The following DLX4 variants were observed in gnomAD, a reference collection of about 807,000 sequenced individuals.
The protein encoded by DLX4 is homeobox protein DLX-4.
In DLX4, 13 loss-of-function variants were observed where a neutral mutation model predicts 17.1. The ratio of observed to expected loss-of-function variants is 0.76; its 90% CI spans 0.49 to 1.21. The LOEUF is 1.21. DLX4 is among the 50% of genes most tolerant of loss of function. The pLI is 0.00. For missense variants in DLX4, 297 were observed against 301.4 expected, an observed-to-expected ratio of 0.99 and a Z score of 0.11; for synonymous variants, 129 against 140.3, an observed-to-expected ratio of 0.92 and a Z score of 0.57.
Position 49,973,128 on chromosome 17 carries a change from C to A in DLX4, c.339C>A (p.Pro113=). The A allele has an allele frequency of 6.2e-7, 1 of 1,614,062 alleles. No individual in the cohort carries two copies. Among genetic ancestry groups the A allele is most frequent in the South Asian group, 1.1e-5 (1 of 91,086 alleles). The change falls in exon 2 of 3, where the codon CCC becomes CCA. Residue 113 remains proline, a synonymous_variant. Coordinates refer to ENST00000240306, the MANE Select transcript of DLX4 (RefSeq NM_138281.3). ...PEPSERRPQA[P]AKKLRKPRTI... Reference sequence around the variant, plus strand: ...CCTCCGAGCGGCGCCCTCAGGCCCCCGCCAAAAAGCTCCGCAAGCCGAGGA... The same window carrying A: ...CCTCCGAGCGGCGCCCTCAGGCCCCAGCCAAAAAGCTCCGCAAGCCGAGGA...
intron 2 of DLX4, 108 bp downstream of exon 2, chr17:49,973,377 T>C (rs540857506): frequency 5.8e-5 from 84 of 1,445,624 alleles, no homozygotes; most frequent in Admixed American, 4.9e-4. Context: ...GTGGCCCTGT[T>C]GTCACAGTTC....
Position 49,969,484 on chromosome 17 carries a change from T to A in DLX4, c.16T>A (p.Cys6Ser), listed in dbSNP as rs1200792409. MTSLP[C>S]PLPGRDASKA... Reference sequence around the variant, plus strand: ...CCTGGCCACAATGACCTCTTTGCCCTGCCCCCTCCCCGGCCGGGACGCCTC... The same window carrying A: ...CCTGGCCACAATGACCTCTTTGCCCAGCCCCCTCCCCGGCCGGGACGCCTC... The change falls in exon 1 of 3, where the codon TGC becomes AGC. Residue 6 changes from cysteine to serine, a missense_variant. Transcript: ENST00000240306. The A allele has an allele frequency of 6.3e-7, 1 of 1,592,990 alleles. No individual in the cohort carries two copies. Among genetic ancestry groups the A allele is most frequent in the Non-Finnish European group, 8.5e-7 (1 of 1,172,412 alleles).
At position 49,969,489 on chromosome 17, in the gene DLX4, C is replaced by T. The variant is rs1211241306; in HGVS notation, c.21C>T (p.Pro7=). 4 of 1,598,310 alleles carry T rather than the reference C, an allele frequency of 2.5e-6. No homozygotes were observed. Among genetic ancestry groups the T allele is most frequent in the Non-Finnish European group, 1.7e-6 (2 of 1,174,620 alleles). ...CCACAATGACCTCTTTGCCCTGCCC[C>T]CTCCCCGGCCGGGACGCCTCCAAAG... MTSLPC[P]LPGRDASKAV... Residue 7 remains proline (P), a synonymous_variant, in exon 1 of 3, where the codon CCC becomes CCT. Transcript: ENST00000240306.
rs902773730 is a variant in DLX4, at chr17:49,973,132, A to C, written c.343A>C (p.Lys115Gln). 1.2e-6 allele frequency: 2 copies of C among 1,613,822 alleles called. No homozygotes were observed. The highest frequency in any genetic ancestry group is 2.7e-5 in the African/African-American group (2 of 74,884). Residue 115 changes from lysine (K) to glutamine (Q), a missense_variant, in exon 2 of 3, where the codon AAA becomes CAA. Transcript: ENST00000240306. ...PSERRPQAPA[K>Q]KLRKPRTIYS... ...CGAGCGGCGCCCTCAGGCCCCCGCC[A>C]AAAAGCTCCGCAAGCCGAGGACCAT...
rs1905413893 is a variant in DLX4, at chr17:49,969,317, G to A, written c.-152G>A. On this transcript the variant is annotated 5_prime_UTR_variant, in exon 1 of 3. Coordinates refer to ENST00000240306, the MANE Select transcript of DLX4 (RefSeq NM_138281.3). ...AGGCGCGCGTTCTCCGCTGAAAGAG[G>A]CTCAGAGAGACACTTTCTCCGGGAT... The A allele has an allele frequency of 3.3e-6, 3 of 919,412 alleles. No individual in the cohort carries two copies. Among genetic ancestry groups the A allele is most frequent in the African/African-American group, 1.7e-5 (1 of 58,170 alleles). 57.0% of individuals were successfully genotyped at this position (919,412 alleles called of 1,614,324 possible). A position where few individuals can be genotyped will look rare whatever the true frequency, so the allele number is the denominator to read the frequency against.
chr17:49,970,325 C>T (rs1176203992), intron 1 of DLX4, among the ~76,000 whole-genome samples: 3 of 152,338 alleles, frequency 2.0e-5, no homozygotes, highest in Non-Finnish European at 2.9e-5. Flanking sequence ...TGACTGGAAG[C>T]TGGCCTGGCA....
intron 1 of DLX4, chr17:49,971,947 G>T (rs1394150754): frequency 1.3e-5 from 2 of 152,270 alleles, no homozygotes; most frequent in African/African-American, 4.8e-5. Flanking sequence ...GAAGAAGGTG[G>T]GGGGACGCGG....
chr17:49,969,134 C>T (rs1299130475), upstream of DLX4: 2 of 257,078 alleles, frequency 7.8e-6, no homozygotes, highest in African/African-American at 4.5e-5. Flanking sequence ...TGCAAGTCTC[C>T]GTGAGGTCAC....
intron 1 of DLX4, among the ~76,000 whole-genome samples, chr17:49,971,761 C>A (rs904935898): frequency 6.6e-6 from 1 of 151,740 alleles, no homozygotes; most frequent in East Asian, 1.9e-4. Context: ...CGGGCGGGAG[C>A]GGAAACCCAA....
upstream of DLX4, among the ~76,000 whole-genome samples, chr17:49,968,600 GGGGTGCAGC>G (rs1257383578): frequency 1.3e-5 from 2 of 152,156 alleles, no homozygotes; most frequent in Non-Finnish European, 2.9e-5. Flanking sequence ...GCAGGGCGGT[GGGGTGCAGC>G]GGCGGCGGTC....
At chr17:49,969,917 G>T (rs943963215) in intron 1 of DLX4, among the ~76,000 whole-genome samples, 166 bp downstream of exon 1, 2 of 151,190 alleles carry the variant, frequency 1.3e-5, no homozygotes, top group Admixed American at 1.3e-4. Context: ...GGGAGACACG[G>T]GGGGAGGGGC....
At chr17:49,971,417 C>T (rs1905498942) in intron 1 of DLX4, among the ~76,000 whole-genome samples, 1 of 152,110 alleles carries the variant, frequency 6.6e-6, no homozygotes, top group Admixed American at 6.5e-5. Context: ...AGGTTTGGCT[C>T]CAAGTGAGCG....
rs200916126 is a variant in DLX4 at position 49,973,727 on chromosome 17, C to T, written c.507C>T (p.Arg169=). The T allele has an allele frequency of 1.0e-4, 154 of 1,511,532 alleles. 3 individuals carry two copies. The Middle Eastern group carries it at 1.4e-3, about 14-fold the overall frequency. 93.6% of individuals were successfully genotyped at this position (1,511,532 alleles called of 1,614,324 possible). ...TAAAGATCTGGTTTCAGAACAAACGCTCCAAGTATAAGAAGCTCCTGAAGC... is the reference window on the plus strand; with the variant it reads ...TAAAGATCTGGTTTCAGAACAAACGTTCCAAGTATAAGAAGCTCCTGAAGC... The part of the protein sequence containing the change: ...TQVKIWFQNK[R]SKYKKLLKQN... Residue 169 remains arginine (R), a synonymous_variant, in exon 3 of 3, where the codon CGC becomes CGT. Coordinates refer to ENST00000240306, the MANE Select transcript of DLX4 (RefSeq NM_138281.3).
Position 49,969,676 on chromosome 17 carries a change from C to G in DLX4, c.208C>G (p.Leu70Val). Residue 70 changes from leucine (L) to valine (V), a missense_variant, in exon 1 of 3, where the codon CTG becomes GTG. Physicochemically the swap from Leu to Val is conservative, Grantham distance 32. Transcript: ENST00000240306. ...TEPANPGDSY[L>V]SCQQPAALSQ... ...GCCAGCGAACCCCGGAGACTCCTAC[C>G]TGTCCTGCCAGCAACCCGCGGCGCT... 2 of 1,607,652 alleles carry G rather than the reference C, an allele frequency of 1.2e-6. No homozygotes were observed. The highest frequency in any genetic ancestry group is 1.7e-6 in the Non-Finnish European group (2 of 1,179,884).
intron 1 of DLX4, among the ~76,000 whole-genome samples, chr17:49,971,646 G>A (rs1905509848): frequency 6.6e-6 from 1 of 152,162 alleles, no homozygotes; most frequent in Admixed American, 6.5e-5. Flanking sequence ...CTGCGTCCCC[G>A]CTCGAATTGC....
chr17:49,969,748 G>C lies in DLX4; in HGVS notation c.280G>C (p.Ala94Pro). The change falls in exon 1 of 3, where the codon GCA becomes CCA. Residue 94 changes from alanine to proline, a missense_variant. By Grantham distance (27) the Ala-to-Pro change is conservative (BLOSUM62 -1). Coordinates refer to ENST00000240306, the MANE Select transcript of DLX4 (RefSeq NM_138281.3). ...TGCAGAGCACCCTCAGGAACTCGAG[G>C]CAGGTAAGTTCGGCCGTGGAGGCTC... ...GPAEHPQELE[A>P]DSEKPRLSPE... 1 of 1,591,784 alleles carries C rather than the reference G, an allele frequency of 6.3e-7. No homozygotes were observed.
Position 49,974,726 on chromosome 17 carries a change from C to G in DLX4, c.*783C>G, listed in dbSNP as rs1428500091. 6.6e-6 allele frequency: 1 copy of G among 151,860 alleles called. No individual in the cohort carries two copies. The highest frequency in any genetic ancestry group is 6.6e-5 in the Admixed American group (1 of 15,242). The allele number at this position is 151,860 out of a possible 1,614,324, so 9.4% of individuals were successfully genotyped here. ...TTCCCCATCCCTAATCCCTAACGAA[C>G]CCACGGGCACACACTTTTGGAAACC... On this transcript the variant is annotated 3_prime_UTR_variant, in exon 3 of 3. Coordinates refer to ENST00000240306, the MANE Select transcript of DLX4 (RefSeq NM_138281.3).
At chr17:49,970,016 C>T (rs988472007) in intron 1 of DLX4, among the ~76,000 whole-genome samples, 1 of 152,164 alleles carries the variant, frequency 6.6e-6, no homozygotes, top group Admixed American at 6.5e-5. Flanking sequence ...CCCCCCAACC[C>T]CCCACCTGGA....
rs200579401 is a variant in DLX4, at chr17:49,969,672, C to T, written c.204C>T (p.Ser68=). 3.8e-4 allele frequency: 608 copies of T among 1,608,234 alleles called. 1 individual carries two copies. The East Asian group carries it at 0.011, about 29-fold the overall frequency. The change falls in exon 1 of 3, where the codon TCC becomes TCT. Residue 68 remains serine, a synonymous_variant. Transcript: ENST00000240306. ...CCGAGCCAGCGAACCCCGGAGACTC[C>T]TACCTGTCCTGCCAGCAACCCGCGG... ...PYTEPANPGD[S]YLSCQQPAAL... is the part of the protein sequence containing the mutation.
Sources: allele counts gnomAD v4.1 joint callset (sites outside exome capture counted in the v4.1 genomes callset), GRCh38; gene constraint gnomAD v4.1.1; transcripts MANE v1.5; gene names NCBI Gene and HGNC (gene_info 2026-07-23, HGNC 2026-07-21).